The following FRMD4A variants were observed in gnomAD, a reference collection of about 807,000 sequenced individuals.
FRMD4A encodes FERM domain-containing protein 4A.
A neutral mutation model predicts 129.1 loss-of-function variants in FRMD4A; 29 were observed. That is an observed-to-expected ratio of 0.22 (90% CI 0.17 to 0.31). The LOEUF is 0.31. Ranked by LOEUF, FRMD4A falls within the 10% of genes least tolerant of loss-of-function variation. The probability of loss-of-function intolerance (pLI) is 1.00; values close to 1 mark genes in which losing one functional copy is unlikely to be tolerated. For missense variants in FRMD4A, 1,272 were observed against 1,375.8 expected (o/e 0.92, Z 1.19); for synonymous variants, 634 against 571.6 (o/e 1.11, Z -1.56).
chr10:14,178,161 C>A (rs1305767040), intron 2 of FRMD4A, among the ~76,000 whole-genome samples: 2 of 152,220 alleles, frequency 1.3e-5, no homozygotes, highest in African/African-American at 4.8e-5. Flanking sequence ...TGCTGGTGTA[C>A]TATTTCCACC....
At chr10:13,743,474 G>A (rs1397647157) in intron 9 of FRMD4A, among the ~76,000 whole-genome samples, 4 of 152,276 alleles carry the variant, frequency 2.6e-5, no homozygotes, top group East Asian at 1.9e-4. Context: ...GGGAGAGAGG[G>A]TCCCTGGGGT....
At chr10:13,806,678 T>C (rs1239385820) in intron 4 of FRMD4A, among the ~76,000 whole-genome samples, 1 of 152,350 alleles carries the variant, frequency 6.6e-6, no homozygotes, top group East Asian at 1.9e-4. Flanking sequence ...GCTGAGAAGC[T>C]GAGGTCACAC....
intron 2 of FRMD4A, among the ~76,000 whole-genome samples, chr10:14,075,628 A>G (rs1487118684): frequency 1.3e-5 from 2 of 152,208 alleles, no homozygotes; most frequent in South Asian, 2.1e-4. Context: ...GCATGATGCA[A>G]ATTTCTTAAA....
Position 14,105,356 on chromosome 10 carries a change from AGGAGTTT to A in FRMD4A, c.45+224695_45+224701del, listed in dbSNP as rs536012436. Among the ~76,000 whole-genome samples, 3 of 152,322 alleles carry A rather than the reference AGGAGTTT, an allele frequency of 2.0e-5. No individual in the cohort carries two copies. The South Asian group carries it at 6.2e-4, about 32-fold the overall frequency. On this transcript the variant is annotated intron_variant, in intron 2 of 24. Coordinates refer to ENST00000357447, the MANE Select transcript of FRMD4A (RefSeq NM_018027.5). ...CAAGACCAGAAGATCACTTGAGCCC[AGGAGTTT>A]GAGACTAACCTGGGCAACATAGCAA...
intron 12 of FRMD4A, among the ~76,000 whole-genome samples, chr10:13,714,029 T>TATATATAAA (rs1564672840): frequency 3.5e-5 from 1 of 28,342 alleles, no homozygotes; most frequent in South Asian, 8.4e-4. Context: ...AAAATATACA[T>TATATATAAA]ATATATATAT....
chr10:13,951,447 A>G (rs2095369879), intron 2 of FRMD4A, among the ~76,000 whole-genome samples: 1 of 152,132 alleles, frequency 6.6e-6, no homozygotes, highest in Non-Finnish European at 1.5e-5. Flanking sequence ...GATATTGAAG[A>G]TGAAAGAAGT....
intron 2 of FRMD4A, among the ~76,000 whole-genome samples, chr10:14,020,969 C>T (rs1218727210): frequency 1.3e-5 from 2 of 152,160 alleles, no homozygotes; most frequent in Admixed American, 1.3e-4. Flanking sequence ...CATGTGCCTC[C>T]TTGGCATCAG....
Position 14,126,781 on chromosome 10 carries a change from A to G in FRMD4A, c.45+203277T>C, listed in dbSNP as rs117118181. Among the ~76,000 whole-genome samples the G allele has an allele frequency of 4.5e-3, 685 of 152,316 alleles. 6 individuals carry two copies. Among genetic ancestry groups the G allele is most frequent in the East Asian group, 0.035 (182 of 5,166 alleles). On this transcript the variant is annotated intron_variant, in intron 2 of 24. Coordinates refer to ENST00000357447, the MANE Select transcript of FRMD4A (RefSeq NM_018027.5). ...TGAACAAAATGTGGGTCTTATAGGAAGGATAAAGGAGAATACTTCTTGGGG... is the reference window on the plus strand; with the variant it reads ...TGAACAAAATGTGGGTCTTATAGGAGGGATAAAGGAGAATACTTCTTGGGG...
At chr10:14,000,656 A>AAAAAAAAAAC in intron 2 of FRMD4A, among the ~76,000 whole-genome samples, 1 of 136,108 alleles carries the variant, frequency 7.3e-6, no homozygotes, top group Non-Finnish European at 1.6e-5. Flanking sequence ...CAAAAAAAAA[A>AAAAAAAAAAC]AAAAAAAAAA....
chr10:14,113,891 T>A (rs755775974), intron 2 of FRMD4A, among the ~76,000 whole-genome samples: 1 of 152,146 alleles, frequency 6.6e-6, no homozygotes. Context: ...TGTACCTGAA[T>A]AATCTGGGAG....
chr10:13,970,636 A>T (rs759573588), intron 2 of FRMD4A, among the ~76,000 whole-genome samples: 31 of 152,258 alleles, frequency 2.0e-4, no homozygotes, highest in Middle Eastern at 6.8e-3. Flanking sequence ...GAGAGGAGGA[A>T]AAATGAGCGA....
Position 14,111,977 on chromosome 10 carries a change from G to A in FRMD4A, c.45+218081C>T, listed in dbSNP as rs188324960. Among the ~76,000 whole-genome samples, 121 of 121,492 alleles carry A rather than the reference G, an allele frequency of 1.0e-3. 2 individuals are homozygous for A. The highest frequency in any genetic ancestry group is 3.6e-3 in the African/African-American group (117 of 32,326). The allele number at this position is 121,492 out of a possible 152,430, so 79.7% of individuals were successfully genotyped here. On this transcript the variant is annotated intron_variant, in intron 2 of 24. Transcript: ENST00000357447. ...GGAGAGGAGGGGAGGGGAGGGGAGG[G>A]GAGGAAGGCAGGGAAGGAAGGGAGG...
intron 2 of FRMD4A, among the ~76,000 whole-genome samples, chr10:14,183,063 A>G (rs1286896762): frequency 6.6e-6 from 1 of 152,226 alleles, no homozygotes; most frequent in African/African-American, 2.4e-5. Flanking sequence ...AGACTGACCC[A>G]TGCTGAAAAA....
intron 3 of FRMD4A, among the ~76,000 whole-genome samples, chr10:13,851,433 C>T (rs1007206421): frequency 6.6e-6 from 1 of 152,168 alleles, no homozygotes; most frequent in Admixed American, 6.5e-5. Context: ...AATGGGGCTG[C>T]ACAGCAGGAG....
intron 15 of FRMD4A, chr10:13,685,174 C>G: frequency 1.0e-6 from 1 of 985,042 alleles, no homozygotes; most frequent in Non-Finnish European, 1.2e-6. Flanking sequence ...GCTTGGAGAA[C>G]TTTTCATCAG....
chr10:13,922,863 T>A (rs528445819), intron 2 of FRMD4A, among the ~76,000 whole-genome samples: 14 of 152,232 alleles, frequency 9.2e-5, no homozygotes, highest in Non-Finnish European at 1.6e-4. Flanking sequence ...TATTTATGAC[T>A]TCTTCAGACT....
chr10:13,808,329 C>T (rs1410926277), intron 4 of FRMD4A, among the ~76,000 whole-genome samples: 2 of 152,212 alleles, frequency 1.3e-5, no homozygotes, highest in Non-Finnish European at 2.9e-5. Context: ...CACAGACACA[C>T]ACATGCTCAC....
At chr10:13,919,570 A>G (rs2095047659) in intron 2 of FRMD4A, among the ~76,000 whole-genome samples, 2 of 152,168 alleles carry the variant, frequency 1.3e-5, no homozygotes. Context: ...TATAGGATTA[A>G]ATTAATTTTA....
At chr10:14,058,609 C>G (rs1834656479) in intron 2 of FRMD4A, among the ~76,000 whole-genome samples, 1 of 152,328 alleles carries the variant, frequency 6.6e-6, no homozygotes, top group East Asian at 1.9e-4. Flanking sequence ...GGAACCTGAT[C>G]TAGGGAGGCA....
Sources: gnomAD v4.1 joint callset for allele counts (sites outside exome capture counted in the v4.1 genomes callset) on GRCh38, gnomAD v4.1.1 for gene constraint, MANE v1.5 for transcripts, NCBI Gene and HGNC (gene_info 2026-07-23, HGNC 2026-07-21) for gene names.